The following ANKIB1 variants were observed in gnomAD, a reference collection of about 807,000 sequenced individuals.
ANKIB1 encodes the protein ankyrin repeat and IBR domain-containing protein 1.
ANKIB1 carries 43 observed loss-of-function variants against 122.1 expected under a neutral mutation model. The observed-to-expected ratio is 0.35, with a 90% CI of 0.28 to 0.45. The LOEUF (loss-of-function observed/expected upper bound fraction) is 0.45, where lower values mean the gene tolerates loss of function less well. Among genes scored for constraint, ANKIB1 ranks in the 20% least tolerant of loss-of-function variants. The probability of loss-of-function intolerance (pLI) is 1.00; values close to 1 mark genes in which losing one functional copy is unlikely to be tolerated. For synonymous variants in ANKIB1, 390 were observed against 442.0 expected, an observed-to-expected ratio of 0.88 and a Z score of 1.48; for missense variants, 992 against 1,329.5, an observed-to-expected ratio of 0.75 and a Z score of 3.95.
intron 3 of ANKIB1, among the ~76,000 whole-genome samples, chr7:92,314,104 C>G (rs1802745011): frequency 6.6e-6 from 1 of 151,918 alleles, no homozygotes; most frequent in Non-Finnish European, 1.5e-5. Context: ...TCAAGATCAG[C>G]CTGGGCAACA....
chr7:92,253,074 C>A (rs1164920109), intron 1 of ANKIB1, among the ~76,000 whole-genome samples: 1 of 152,126 alleles, frequency 6.6e-6, no homozygotes, highest in African/African-American at 2.4e-5. Context: ...AACACACACT[C>A]ATGTACATAC....
chr7:92,371,418 TCCCCCAGAAG>T, intron 10 of ANKIB1, 49 bp from the exon 11 acceptor site: 1 of 1,463,812 alleles, frequency 6.8e-7, no homozygotes, highest in Non-Finnish European at 9.3e-7. Context: ...GGTTTTTTTT[TCCCCCAGAAG>T]TTGTACACTA....
chr7:92,276,754 A>C lies in ANKIB1; in HGVS notation c.-90-18135A>C, dbSNP rs555741121. 1.6e-4 allele frequency among the ~76,000 whole-genome samples: 24 copies of C among 152,362 alleles called. No individual in the cohort carries two copies. The South Asian group carries it at 2.3e-3, about 14-fold the overall frequency. ...GGACAGCACATATCTGGTTAAGTTG[A>C]ATCATCTAGTTCTTCAGGCTTTTCA... On this transcript the variant is annotated intron_variant, in intron 1 of 19. Transcript: ENST00000265742.
rs1264428400 is a variant in ANKIB1, at chr7:92,399,379, T to C, written c.*430T>C. Reference sequence around the variant, plus strand: ...CTTCATTCTAGAAATTTATTTTGGATAAATCCGATAACATATATGTCCTCA... The same window carrying C: ...CTTCATTCTAGAAATTTATTTTGGACAAATCCGATAACATATATGTCCTCA... On this transcript the variant is annotated 3_prime_UTR_variant, in exon 20 of 20. Transcript: ENST00000265742. The C allele has an allele frequency of 6.6e-6, 1 of 152,550 alleles. No individual in the cohort carries two copies. Among genetic ancestry groups the C allele is most frequent in the Non-Finnish European group, 1.5e-5 (1 of 68,366 alleles). The allele number at this position is 152,550 out of a possible 1,614,324, so 9.4% of individuals were successfully genotyped here. A position where few individuals can be genotyped will look rare whatever the true frequency, so the allele number is the denominator to read the frequency against.
At chr7:92,393,695 GT>G (rs1037660022) in intron 17 of ANKIB1, among the ~76,000 whole-genome samples, 90 of 152,056 alleles carry the variant, frequency 5.9e-4, no homozygotes, top group African/African-American at 2.2e-3. Flanking sequence ...GTGTCACTTT[GT>G]TTTTTATGAA....
intron 1 of ANKIB1, among the ~76,000 whole-genome samples, chr7:92,281,800 C>G (rs1484886336): frequency 1.3e-5 from 2 of 152,120 alleles, no homozygotes; most frequent in Non-Finnish European, 2.9e-5. Flanking sequence ...CAGTTTTGTA[C>G]AGCAGCAATT....
At chr7:92,331,183 C>T (rs985209899) in intron 5 of ANKIB1, among the ~76,000 whole-genome samples, 2 of 151,880 alleles carry the variant, frequency 1.3e-5, no homozygotes, top group African/African-American at 4.8e-5. Flanking sequence ...TAGTCCAAAG[C>T]ATTTCCATTT....
At chr7:92,344,050 A>G (rs893459941) in intron 6 of ANKIB1, among the ~76,000 whole-genome samples, 2 of 152,164 alleles carry the variant, frequency 1.3e-5, no homozygotes, top group Admixed American at 6.5e-5. Context: ...TGTAATTTGC[A>G]TATGTAACGT....
intron 11 of ANKIB1, among the ~76,000 whole-genome samples, chr7:92,375,717 A>G (rs1006908034): frequency 3.3e-5 from 5 of 152,210 alleles, no homozygotes; most frequent in African/African-American, 1.2e-4. Flanking sequence ...ACTTCCTCCC[A>G]TGAATCACAA....
At chr7:92,352,936 G>T (rs1436002789) in intron 9 of ANKIB1, among the ~76,000 whole-genome samples, 1 of 152,058 alleles carries the variant, frequency 6.6e-6, no homozygotes, top group East Asian at 1.9e-4. Context: ...GTTCCCCAGG[G>T]GTATACAGCT....
chr7:92,311,716 CG>C (rs1802692567), intron 3 of ANKIB1, among the ~76,000 whole-genome samples: 1 of 148,702 alleles, frequency 6.7e-6, no homozygotes, highest in Admixed American at 6.7e-5. Context: ...CTGTAATAAG[CG>C]CCCCCCCCAC....
chr7:92,345,268 T>G (rs990222120), intron 7 of ANKIB1, among the ~76,000 whole-genome samples: 1 of 152,240 alleles, frequency 6.6e-6, no homozygotes, highest in African/African-American at 2.4e-5. Flanking sequence ...TAATTAATGC[T>G]ATTTAGCTTA....
intron 14 of ANKIB1, 145 bp downstream of exon 14, chr7:92,388,186 G>A (rs1804705756): frequency 1.3e-6 from 1 of 752,790 alleles, no homozygotes; most frequent in Non-Finnish European, 2.2e-6. Flanking sequence ...AGCCCTGAGT[G>A]CAGCTTAGCA....
At chr7:92,392,627 C>T (rs1180888559) in intron 17 of ANKIB1, among the ~76,000 whole-genome samples, 1 of 151,930 alleles carries the variant, frequency 6.6e-6, no homozygotes, top group East Asian at 1.9e-4. Context: ...TTGTTTTAAT[C>T]TGAAACTATT....
intron 1 of ANKIB1, among the ~76,000 whole-genome samples, chr7:92,282,447 A>C (rs1409771215): frequency 6.6e-6 from 1 of 152,196 alleles, no homozygotes; most frequent in Non-Finnish European, 1.5e-5. Flanking sequence ...CCTGGCCAGC[A>C]TAAGTACTTT....
At chr7:92,312,275 G>A (rs1278460875) in intron 3 of ANKIB1, among the ~76,000 whole-genome samples, 2 of 152,130 alleles carry the variant, frequency 1.3e-5, no homozygotes, top group African/African-American at 2.4e-5. Context: ...TAAATTATTT[G>A]TGAGATAAAA....
Position 92,351,278 on chromosome 7 carries a change from T to G in ANKIB1, c.1230+184T>G, listed in dbSNP as rs541681494. Among the ~76,000 whole-genome samples, 99 of 152,328 alleles carry G rather than the reference T, an allele frequency of 6.5e-4. 1 individual carries two copies. Among genetic ancestry groups the G allele is most frequent in the African/African-American group, 2.2e-3 (92 of 41,574 alleles). The stretch of plus-strand genomic sequence containing the variant: ...AAAGTTTGAAGCTAAAGCATTATTT[T>G]GTAATAATAAGAGGAAAGGGGAAAG... On this transcript the variant is annotated intron_variant, in intron 8 of 19. Transcript: ENST00000265742.
intron 2 of ANKIB1, among the ~76,000 whole-genome samples, chr7:92,304,583 G>A (rs1802520089): frequency 6.6e-6 from 1 of 152,054 alleles, no homozygotes; most frequent in South Asian, 2.1e-4. Context: ...GTATAAGAAA[G>A]GCTAGATAAA....
chr7:92,354,710 C>G (rs1585122593), intron 9 of ANKIB1, among the ~76,000 whole-genome samples: 1 of 151,766 alleles, frequency 6.6e-6, no homozygotes, highest in Admixed American at 6.6e-5. Context: ...AGCTTTATAC[C>G]CTTATTCATA....
Sources: allele counts gnomAD v4.1 joint callset (sites outside exome capture counted in the v4.1 genomes callset), GRCh38; gene constraint gnomAD v4.1.1; transcripts MANE v1.5; gene names NCBI Gene and HGNC (gene_info 2026-07-23, HGNC 2026-07-21).